ITGA8: variants seen among roughly 807,000 people sequenced by gnomAD.
The protein encoded by ITGA8 is integrin alpha-8.
Under a neutral mutation model 142.3 loss-of-function variants are expected in ITGA8, and 91 were observed. That is an observed-to-expected ratio of 0.64 (90% CI 0.54 to 0.76). The LOEUF is 0.76. Among genes scored for constraint, ITGA8 ranks in the 30% least tolerant of loss-of-function variants. The pLI is 0.00. For synonymous variants in ITGA8, 505 were observed against 485.2 expected, an observed-to-expected ratio of 1.04 and a Z score of -0.54; for missense variants, 1,406 against 1,327.7, an observed-to-expected ratio of 1.06 and a Z score of -0.92.
chr10:15,664,184 T>C (rs1834342318), intron 8 of ITGA8, among the ~76,000 whole-genome samples: 1 of 152,170 alleles, frequency 6.6e-6, no homozygotes, highest in African/African-American at 2.4e-5. Flanking sequence ...CTAAGATGCT[T>C]GGTAACTTGT....
chr10:15,561,235 G>GTATATATATATA lies in ITGA8; in HGVS notation c.2638-3045_2638-3034dup, dbSNP rs796194795. 3.0e-4 allele frequency among the ~76,000 whole-genome samples: 30 copies of GTATATATATATA among 101,568 alleles called. No individual in the cohort carries two copies. In the East Asian group the frequency reaches 4.9e-3, roughly 16 times the overall value. 66.6% of individuals were successfully genotyped at this position (101,568 alleles called of 152,430 possible). A position where few individuals can be genotyped will look rare whatever the true frequency, so the allele number is the denominator to read the frequency against. ...TATATATATATATATATATATATATGTATATATATATATATATATGTATGT... is the reference window on the plus strand; with the variant it reads ...TATATATATATATATATATATATATGTATATATATATATATATATATATATATATATGTATGT... On this transcript the variant is annotated intron_variant, in intron 25 of 29. Transcript: ENST00000378076.
intron 27 of ITGA8, among the ~76,000 whole-genome samples, chr10:15,538,031 C>T (rs1833483901): frequency 6.6e-6 from 1 of 151,792 alleles, no homozygotes; most frequent in South Asian, 2.1e-4. Flanking sequence ...CCCAGACAAT[C>T]AGAAGGCTGA....
chr10:15,607,384 T>C (rs1833213110), intron 17 of ITGA8, among the ~76,000 whole-genome samples: 1 of 152,150 alleles, frequency 6.6e-6, no homozygotes, highest in Non-Finnish European at 1.5e-5. Flanking sequence ...TGCACTTTTA[T>C]GTATTTTGGG....
chr10:15,583,406 C>T (rs1014210020), intron 23 of ITGA8, among the ~76,000 whole-genome samples: 2 of 152,056 alleles, frequency 1.3e-5, no homozygotes, highest in Non-Finnish European at 2.9e-5. Flanking sequence ...GGAGAAATAC[C>T]TAATGTAGAT....
At chr10:15,710,770 C>T (rs970366996) in intron 2 of ITGA8, among the ~76,000 whole-genome samples, 4 of 152,156 alleles carry the variant, frequency 2.6e-5, no homozygotes, top group Admixed American at 6.5e-5. Flanking sequence ...AGAACTACAA[C>T]CTGGCCACAG....
chr10:15,525,407 C>G (rs1833152843), intron 28 of ITGA8, among the ~76,000 whole-genome samples: 1 of 151,924 alleles, frequency 6.6e-6, no homozygotes, highest in Non-Finnish European at 1.5e-5. Flanking sequence ...CTTTGGGAGA[C>G]CTAGGTGAGC....
intron 28 of ITGA8, among the ~76,000 whole-genome samples, chr10:15,523,321 T>G (rs561798501): frequency 6.6e-6 from 1 of 151,036 alleles, no homozygotes; most frequent in Non-Finnish European, 1.5e-5. Context: ...ATTTAAAGTT[T>G]TTTTTGTAGC....
chr10:15,562,829 G>T (rs1165347174), intron 25 of ITGA8, among the ~76,000 whole-genome samples: 1 of 151,766 alleles, frequency 6.6e-6, no homozygotes, highest in East Asian at 1.9e-4. Flanking sequence ...AGGAGGGGAA[G>T]CCCCACAGTT....
rs71374631 is a variant in ITGA8 at position 15,538,512 on chromosome 10, G to GAAAAAAA, written c.2881-7368_2881-7362dup. ...GGGCGGCTGAGTGAGACTCCGTCTC[G>GAAAAAAA]AAAAAAAAAAAAAAAAAAACTATAG... On this transcript the variant is annotated intron_variant, in intron 27 of 29. Transcript: ENST00000378076. Among the ~76,000 whole-genome samples the GAAAAAAA allele has an allele frequency of 2.2e-3, 218 of 98,464 alleles. 2 individuals are homozygous for GAAAAAAA. The highest frequency in any genetic ancestry group is 5.7e-3 in the Middle Eastern group (1 of 174). 64.6% of individuals were successfully genotyped at this position (98,464 alleles called of 152,430 possible). A position where few individuals can be genotyped will look rare whatever the true frequency, so the allele number is the denominator to read the frequency against.
chr10:15,644,488 ATATAGAATT>A, intron 12 of ITGA8, among the ~76,000 whole-genome samples: 1 of 10,788 alleles, frequency 9.3e-5, no homozygotes, highest in African/African-American at 2.9e-4. Flanking sequence ...ATATATATAT[ATATAGAATT>A]TTTTTTTTTT....
rs758595849 is a variant in ITGA8 at position 15,706,384 on chromosome 10, C to CCTTG, written c.343+12378_343+12381dup. On this transcript the variant is annotated intron_variant, in intron 2 of 29. Coordinates refer to ENST00000378076, the MANE Select transcript of ITGA8 (RefSeq NM_003638.3). The stretch of plus-strand genomic sequence containing the variant: ...AAGGGAACGGTCTTCTACCTAGTCT[C>CCTTG]CTTGCTTGCTTGCTTGCTTCTGCTC... 2.8e-3 allele frequency among the ~76,000 whole-genome samples: 424 copies of CCTTG among 152,228 alleles called. 1 individual carries two copies. Among genetic ancestry groups the CCTTG allele is most frequent in the Middle Eastern group, 0.01 (3 of 294 alleles).
At chr10:15,598,779 T>C (rs910769187) in intron 20 of ITGA8, among the ~76,000 whole-genome samples, 3 of 152,206 alleles carry the variant, frequency 2.0e-5, no homozygotes, top group Admixed American at 2.0e-4. Flanking sequence ...AAGGAATGGA[T>C]CACTAATATT....
intron 26 of ITGA8, among the ~76,000 whole-genome samples, chr10:15,551,765 T>C (rs1210631765): frequency 1.3e-5 from 2 of 152,210 alleles, no homozygotes; most frequent in African/African-American, 2.4e-5. Flanking sequence ...TTATTTCGCT[T>C]TTGATTTTAG....
intron 13 of ITGA8, among the ~76,000 whole-genome samples, chr10:15,633,301 A>C (rs1833714966): frequency 6.6e-6 from 1 of 152,190 alleles, no homozygotes; most frequent in African/African-American, 2.4e-5. Context: ...CCTTTTTAGC[A>C]TGATCAAAAA....
chr10:15,613,170 A>AT (rs1554777865), intron 15 of ITGA8, among the ~76,000 whole-genome samples: 1 of 36,134 alleles, frequency 2.8e-5, no homozygotes, highest in African/African-American at 5.2e-5. Context: ...CAATAAATAA[A>AT]AAATAAATAA....
intron 2 of ITGA8, among the ~76,000 whole-genome samples, chr10:15,706,465 T>A (rs1331755578): frequency 6.6e-6 from 1 of 152,044 alleles, no homozygotes; most frequent in African/African-American, 2.4e-5. Context: ...TTTTTTTCCC[T>A]CCTGTCACTC....
intron 4 of ITGA8, among the ~76,000 whole-genome samples, chr10:15,683,721 C>G (rs761120347): frequency 6.6e-6 from 1 of 152,234 alleles, no homozygotes; most frequent in African/African-American, 2.4e-5. Flanking sequence ...GAATTTTGAA[C>G]AGCAACTGAC....
intron 22 of ITGA8, among the ~76,000 whole-genome samples, chr10:15,589,444 C>T (rs1564364107): frequency 2.0e-5 from 3 of 151,922 alleles, no homozygotes; most frequent in Admixed American, 6.6e-5. Context: ...ATGGAGAGAC[C>T]GCTTAATGCA....
At chr10:15,719,540 C>T (rs376426616) in intron 1 of ITGA8, 23 bp downstream of exon 1, 47 of 1,529,836 alleles carry the variant, frequency 3.1e-5, no homozygotes, top group Non-Finnish European at 4.0e-5. Flanking sequence ...CCCGCGCGCA[C>T]CTCCCCGGGT....
Sources: gnomAD v4.1 joint callset for allele counts (sites outside exome capture counted in the v4.1 genomes callset) on GRCh38, gnomAD v4.1.1 for gene constraint, MANE v1.5 for transcripts, NCBI Gene and HGNC (gene_info 2026-07-23, HGNC 2026-07-21) for gene names.